Variants in CHSY3 observed in about 807,000 individuals in gnomAD.
CHSY3 encodes the protein chondroitin sulfate synthase 3.
Under a neutral mutation model 67.2 loss-of-function variants are expected in CHSY3, and 35 were observed. That is an observed-to-expected ratio of 0.52 (90% CI 0.40 to 0.69). The LOEUF is 0.69. Among genes scored for constraint, CHSY3 ranks in the 30% least tolerant of loss-of-function variants. The pLI is 0.00. For missense variants in CHSY3, 1,069 were observed against 1,138.5 expected, an observed-to-expected ratio of 0.94 and a Z score of 0.88; for synonymous variants, 474 against 434.7, an observed-to-expected ratio of 1.09 and a Z score of -1.12.
intron 2 of CHSY3, among the ~76,000 whole-genome samples, chr5:129,993,212 G>A (rs1763420574): frequency 6.6e-6 from 1 of 152,122 alleles, no homozygotes; most frequent in South Asian, 2.1e-4. Context: ...CTCGTCATTA[G>A]TTCTGAATCC....
intron 2 of CHSY3, among the ~76,000 whole-genome samples, chr5:130,067,988 A>C (rs1765937873): frequency 6.6e-6 from 1 of 152,184 alleles, no homozygotes; most frequent in Non-Finnish European, 1.5e-5. Flanking sequence ...TTCCCAGTGA[A>C]TAAATGGGTA....
At chr5:130,040,864 A>G (rs1331235738) in intron 2 of CHSY3, among the ~76,000 whole-genome samples, 2 of 152,118 alleles carry the variant, frequency 1.3e-5, no homozygotes, top group African/African-American at 4.8e-5. Flanking sequence ...AGGCCCCTAT[A>G]TGGTTCAATA....
At chr5:130,052,109 A>T (rs1765378711) in intron 2 of CHSY3, 1 of 152,170 alleles carries the variant, frequency 6.6e-6, no homozygotes, top group African/African-American at 2.4e-5. Flanking sequence ...CTCTCAGTCC[A>T]CACTGCCATA....
intron 2 of CHSY3, among the ~76,000 whole-genome samples, chr5:130,170,522 A>G (rs1186598620): frequency 6.6e-6 from 1 of 152,068 alleles, no homozygotes; most frequent in Non-Finnish European, 1.5e-5. Context: ...TGCTGGGTAT[A>G]ATGGTAGTTC....
At chr5:130,103,299 G>A (rs185972771) in intron 2 of CHSY3, among the ~76,000 whole-genome samples, 313 of 152,036 alleles carry the variant, frequency 2.1e-3, no homozygotes, top group African/African-American at 7.2e-3. Flanking sequence ...AGAAGTAAAG[G>A]GATCTGTGGA....
chr5:130,006,410 C>T (rs975143511), intron 2 of CHSY3, among the ~76,000 whole-genome samples: 5 of 152,076 alleles, frequency 3.3e-5, no homozygotes, highest in African/African-American at 7.2e-5. Flanking sequence ...AAGCTGTGAG[C>T]GACAAGTTCC....
intron 2 of CHSY3, among the ~76,000 whole-genome samples, chr5:130,007,063 T>A (rs989146561): frequency 6.6e-6 from 1 of 152,182 alleles, no homozygotes; most frequent in African/African-American, 2.4e-5. Context: ...GACCACACAT[T>A]GAGTAATACA....
intron 2 of CHSY3, among the ~76,000 whole-genome samples, chr5:129,960,565 C>T (rs937842882): frequency 2.0e-5 from 3 of 151,762 alleles, no homozygotes; most frequent in Non-Finnish European, 4.4e-5. Flanking sequence ...ACGGAAATTA[C>T]AAAAAAGATT....
chr5:130,117,212 G>A (rs1392333390), intron 2 of CHSY3, among the ~76,000 whole-genome samples: 1 of 152,128 alleles, frequency 6.6e-6, no homozygotes, highest in Non-Finnish European at 1.5e-5. Flanking sequence ...TGGTGGGAGT[G>A]GGAAAGTGAT....
At chr5:130,019,226 C>T (rs1580654788) in intron 2 of CHSY3, among the ~76,000 whole-genome samples, 2 of 152,104 alleles carry the variant, frequency 1.3e-5, no homozygotes, top group East Asian at 3.9e-4. Context: ...TAATTGCTTG[C>T]ATGATTACCA....
Position 130,120,066 on chromosome 5 carries a change from TATCAAACCC to T in CHSY3, c.1087-64159_1087-64151del, listed in dbSNP as rs1185392577. Reference sequence around the variant, plus strand: ...TAAATTTAAAAAGCATAAATTAAACTATCAAACCCATCCATATAACCTTAAAGAACACAA... The same window carrying T: ...TAAATTTAAAAAGCATAAATTAAACTATCCATATAACCTTAAAGAACACAA... On this transcript the variant is annotated intron_variant, in intron 2 of 2. Transcript: ENST00000305031. Among the ~76,000 whole-genome samples, 3 of 152,192 alleles carry T rather than the reference TATCAAACCC, an allele frequency of 2.0e-5. No homozygotes were observed. The East Asian group carries it at 5.8e-4, about 29-fold the overall frequency.
intron 2 of CHSY3, among the ~76,000 whole-genome samples, chr5:130,007,941 AC>A (rs1406645640): frequency 6.6e-6 from 1 of 152,100 alleles, no homozygotes; most frequent in East Asian, 1.9e-4. Flanking sequence ...AAAAGCCACT[AC>A]CATAGCTTTT....
At chr5:129,959,830 T>A (rs1762280534) in intron 2 of CHSY3, among the ~76,000 whole-genome samples, 1 of 152,136 alleles carries the variant, frequency 6.6e-6, no homozygotes, top group African/African-American at 2.4e-5. Context: ...TTTTTCCTTT[T>A]ATTGCAAGTG....
chr5:130,166,476 A>G (rs545717474), intron 2 of CHSY3, among the ~76,000 whole-genome samples: 16 of 152,312 alleles, frequency 1.1e-4, no homozygotes, highest in African/African-American at 3.8e-4. Flanking sequence ...CAGTAAGGAT[A>G]TATCAATGTA....
intron 2 of CHSY3, among the ~76,000 whole-genome samples, chr5:129,993,872 T>C (rs1763447780): frequency 6.6e-6 from 1 of 151,810 alleles, no homozygotes; most frequent in Admixed American, 6.7e-5. Context: ...CCATGTTTAG[T>C]GCTTCCTTCA....
At position 130,063,649 on chromosome 5, in the gene CHSY3, C is replaced by T. The variant is rs146647497; in HGVS notation, c.1087-120580C>T. 4.3e-3 allele frequency among the ~76,000 whole-genome samples: 654 copies of T among 152,222 alleles called. 5 individuals are homozygous for T. Among genetic ancestry groups the T allele is most frequent in the African/African-American group, 0.014 (590 of 41,540 alleles). ...CATTTGTGCTACCACAACCGAATACCACAGACTGGATAATTTATAAACAAT... is the reference window on the plus strand; with the variant it reads ...CATTTGTGCTACCACAACCGAATACTACAGACTGGATAATTTATAAACAAT... On this transcript the variant is annotated intron_variant, in intron 2 of 2. Transcript: ENST00000305031.
At chr5:130,120,555 G>GCTGACCCTGACCCAAACTACC (rs1767980721) in intron 2 of CHSY3, among the ~76,000 whole-genome samples, 2 of 150,572 alleles carry the variant, frequency 1.3e-5, no homozygotes, top group Non-Finnish European at 3.0e-5. Flanking sequence ...TGTGAACAGA[G>GCTGACCCTGACCCAAACTACC]CTGACCCTGA....
intron 2 of CHSY3, among the ~76,000 whole-genome samples, chr5:129,998,155 A>G (rs1291849052): frequency 3.9e-5 from 6 of 152,168 alleles, no homozygotes; most frequent in Non-Finnish European, 8.8e-5. Flanking sequence ...ATTTCTCCAC[A>G]TCCTCTCCAG....
chr5:129,995,841 T>A (rs1763523428), intron 2 of CHSY3, among the ~76,000 whole-genome samples: 1 of 152,096 alleles, frequency 6.6e-6, no homozygotes, highest in Non-Finnish European at 1.5e-5. Flanking sequence ...GTGTCTTCTT[T>A]CTCTCTGTTT....
Sources: gnomAD v4.1 joint callset for allele counts (sites outside exome capture counted in the v4.1 genomes callset) on GRCh38, gnomAD v4.1.1 for gene constraint, MANE v1.5 for transcripts, NCBI Gene and HGNC (gene_info 2026-07-23, HGNC 2026-07-21) for gene names.